RPS6KA2: variants seen among roughly 807,000 people sequenced by gnomAD.
The protein encoded by RPS6KA2 is ribosomal protein S6 kinase alpha-2.
In RPS6KA2, 42 loss-of-function variants were observed where a neutral mutation model predicts 91.8. That is an observed-to-expected ratio of 0.46 (90% confidence interval 0.36 to 0.59). The LOEUF is 0.59. Ranked by LOEUF, RPS6KA2 falls within the 20% of genes least tolerant of loss-of-function variation. The pLI is 0.00. For synonymous variants in RPS6KA2, 414 were observed against 393.6 expected (o/e 1.05, Z -0.61); for missense variants, 798 against 978.5 (o/e 0.82, Z 2.46).
At chr6:166,460,898 T>G (rs1286346798) in intron 11 of RPS6KA2, 1 of 152,120 alleles carries the variant, frequency 6.6e-6, no homozygotes, top group African/African-American at 2.4e-5. Flanking sequence ...GAAAGCAAAT[T>G]TCAACACCTC....
chr6:166,783,644 GTGCACACCTA>G (rs1562436811), intron 2 of RPS6KA2, among the ~76,000 whole-genome samples: 1 of 151,976 alleles, frequency 6.6e-6, no homozygotes, highest in African/African-American at 2.4e-5. Flanking sequence ...ATATATACAT[GTGCACACCTA>G]TGCATAGCTA....
At chr6:166,460,406 C>T (rs886335449) in intron 11 of RPS6KA2, among the ~76,000 whole-genome samples, 8 of 152,146 alleles carry the variant, frequency 5.3e-5, no homozygotes, top group South Asian at 2.1e-4. Flanking sequence ...TGGAACCTGG[C>T]GTAGTCCTCA....
chr6:166,701,593 G>C, intron 2 of RPS6KA2: 1 of 1,339,944 alleles, frequency 7.5e-7, no homozygotes, highest in Non-Finnish European at 1.1e-6. Flanking sequence ...TGATAGAGCC[G>C]GGATAAACAG....
intron 2 of RPS6KA2, among the ~76,000 whole-genome samples, chr6:166,734,311 A>G (rs1197886937): frequency 1.3e-5 from 2 of 152,202 alleles, no homozygotes; most frequent in Non-Finnish European, 2.9e-5. Flanking sequence ...AGATGTTGAC[A>G]TCGACCCTTT....
chr6:166,461,157 G>A (rs887138889), intron 11 of RPS6KA2, among the ~76,000 whole-genome samples: 24 of 152,308 alleles, frequency 1.6e-4, no homozygotes, highest in Middle Eastern at 6.8e-3. Flanking sequence ...GGGAACCATC[G>A]GAGGAGAAAC....
At chr6:166,517,677 T>C (rs918668251) in intron 3 of RPS6KA2, among the ~76,000 whole-genome samples, 39 of 151,054 alleles carry the variant, frequency 2.6e-4, no homozygotes, top group Non-Finnish European at 5.2e-4. Context: ...GGGTTTCACC[T>C]TGTTAGCCAG....
intron 2 of RPS6KA2, among the ~76,000 whole-genome samples, chr6:166,765,948 A>G (rs1778299846): frequency 6.6e-6 from 1 of 152,212 alleles, no homozygotes; most frequent in Non-Finnish European, 1.5e-5. Context: ...GCCTGTTAGG[A>G]ACAAAACACT....
At chr6:166,443,984 C>T (rs535244340) in intron 14 of RPS6KA2, among the ~76,000 whole-genome samples, 92 of 152,228 alleles carry the variant, frequency 6.0e-4, no homozygotes, top group African/African-American at 1.9e-3. Context: ...AATTCAACCC[C>T]GTGTTGTTCA....
rs187505812 is a variant in RPS6KA2 at position 166,507,371 on chromosome 6, C to T, written c.459+832G>A. ...AGCAATGCACACAGCACACCCAACA[C>T]ACACACACACACACACACCCACCCC... On this transcript the variant is annotated intron_variant, in intron 5 of 20. Transcript: ENST00000265678. Among the ~76,000 whole-genome samples the T allele has an allele frequency of 5.9e-3, 889 of 151,198 alleles. 7 individuals carry two copies. The highest frequency in any genetic ancestry group is 0.02 in the African/African-American group (841 of 41,044).
At chr6:166,808,813 T>C (rs754673311) in intron 2 of RPS6KA2, among the ~76,000 whole-genome samples, 2 of 152,190 alleles carry the variant, frequency 1.3e-5, no homozygotes, top group Non-Finnish European at 2.9e-5. Flanking sequence ...TGTCTACAAA[T>C]TAAATGCAAT....
At chr6:166,527,721 C>T (rs1359525423) in intron 3 of RPS6KA2, among the ~76,000 whole-genome samples, 1 of 152,218 alleles carries the variant, frequency 6.6e-6, no homozygotes, top group East Asian at 1.9e-4. Context: ...CCTCTCTCAC[C>T]CCCCAGCCTA....
intron 17 of RPS6KA2, among the ~76,000 whole-genome samples, chr6:166,420,826 G>A (rs763062898): frequency 1.3e-5 from 2 of 152,192 alleles, no homozygotes; most frequent in Non-Finnish European, 2.9e-5. Context: ...AAACTTGTAT[G>A]CATCCTAGGA....
intron 1 of RPS6KA2, among the ~76,000 whole-genome samples, chr6:166,542,785 A>G (rs1254344778): frequency 1.3e-5 from 2 of 152,164 alleles, no homozygotes; most frequent in Non-Finnish European, 2.9e-5. Context: ...TCGCCTTCTT[A>G]GGTCATTTCC....
chr6:166,785,842 G>A (rs1403106063), intron 2 of RPS6KA2, among the ~76,000 whole-genome samples: 1 of 152,180 alleles, frequency 6.6e-6, no homozygotes, highest in Non-Finnish European at 1.5e-5. Context: ...GGACATGTTA[G>A]TATAAAGACA....
intron 2 of RPS6KA2, among the ~76,000 whole-genome samples, chr6:166,650,540 C>G (rs1210881684): frequency 1.3e-5 from 2 of 152,156 alleles, no homozygotes; most frequent in African/African-American, 4.8e-5. Flanking sequence ...TCACTGTCCT[C>G]TTTTCACGGC....
intron 2 of RPS6KA2, among the ~76,000 whole-genome samples, chr6:166,674,524 C>G (rs547607736): frequency 6.6e-6 from 1 of 151,996 alleles, no homozygotes; most frequent in African/African-American, 2.4e-5. Context: ...AGAGGGAGAC[C>G]GGGTGAGGAA....
At chr6:166,502,322 T>C (rs1583213273) in intron 6 of RPS6KA2, among the ~76,000 whole-genome samples, 2 of 152,274 alleles carry the variant, frequency 1.3e-5, no homozygotes, top group African/African-American at 2.4e-5. Flanking sequence ...TGACAATTTA[T>C]AATGAACAAG....
intron 14 of RPS6KA2, among the ~76,000 whole-genome samples, chr6:166,436,250 G>A (rs1198404913): frequency 6.6e-6 from 1 of 151,156 alleles, no homozygotes; most frequent in Non-Finnish European, 1.5e-5. Flanking sequence ...GCGAGTCCGT[G>A]CCATGAAGCA....
intron 11 of RPS6KA2, among the ~76,000 whole-genome samples, chr6:166,465,072 T>C (rs1388176635): frequency 6.6e-6 from 1 of 152,132 alleles, no homozygotes; most frequent in Non-Finnish European, 1.5e-5. Context: ...AAAATAAATA[T>C]CCTAATATTT....
Sources: gnomAD v4.1 joint callset for allele counts (sites outside exome capture counted in the v4.1 genomes callset) on GRCh38, gnomAD v4.1.1 for gene constraint, MANE v1.5 for transcripts, NCBI Gene and HGNC (gene_info 2026-07-23, HGNC 2026-07-21) for gene names.